The following CHMP3 variants were observed in gnomAD, a reference collection of about 807,000 sequenced individuals.
CHMP3 encodes 25.1 protein.
CHMP3 carries 8 observed loss-of-function variants against 27.4 expected under a neutral mutation model. That is an observed-to-expected ratio of 0.29 (90% CI 0.17 to 0.53). The LOEUF is 0.53. Ranked by LOEUF, CHMP3 falls within the 20% of genes least tolerant of loss-of-function variation. The pLI is 0.96. For missense variants in CHMP3, 208 were observed against 271.5 expected (o/e 0.77, Z 1.64); for synonymous variants, 86 against 85.5 (o/e 1.01, Z -0.03).
intron 3 of CHMP3, among the ~76,000 whole-genome samples, chr2:86,522,110 A>G: frequency 6.6e-6 from 1 of 152,164 alleles, no homozygotes; most frequent in Non-Finnish European, 1.5e-5. Flanking sequence ...AATCATGACA[A>G]TGTATTAATA....
chr2:86,510,884 A>G (rs1675081096), intron 3 of CHMP3: 1 of 189,640 alleles, frequency 5.3e-6, no homozygotes, highest in African/African-American at 2.4e-5. Flanking sequence ...ACACCAGCCT[A>G]TGGACAGTAT....
chr2:86,544,600 C>G (rs1676492843), intron 1 of CHMP3, among the ~76,000 whole-genome samples: 1 of 152,130 alleles, frequency 6.6e-6, no homozygotes, highest in Non-Finnish European at 1.5e-5. Flanking sequence ...TCTTGCACCA[C>G]CCTTAATCCA....
intron 1 of CHMP3, among the ~76,000 whole-genome samples, chr2:86,557,175 C>T (rs996532314): frequency 1.3e-5 from 2 of 152,176 alleles, no homozygotes; most frequent in African/African-American, 4.8e-5. Flanking sequence ...AACAAACTTG[C>T]TCCTTTCCTG....
chr2:86,515,466 G>A (rs1289756534), intron 3 of CHMP3, among the ~76,000 whole-genome samples: 1 of 152,086 alleles, frequency 6.6e-6, no homozygotes, highest in East Asian at 1.9e-4. Flanking sequence ...GGGATTATAG[G>A]TGTGCGCCAC....
intron 1 of CHMP3, chr2:86,561,571 AC>A (rs1363700472): frequency 6.6e-6 from 1 of 152,142 alleles, no homozygotes; most frequent in Non-Finnish European, 1.5e-5. Flanking sequence ...GCTCTACAAT[AC>A]CCAGACTTGT....
intron 1 of CHMP3, chr2:86,562,134 G>A (rs960636221): frequency 3.9e-5 from 6 of 152,214 alleles, no homozygotes; most frequent in African/African-American, 9.6e-5. Flanking sequence ...AGTGTCTACT[G>A]TTCTAGGGCC....
At chr2:86,557,050 C>T (rs56249372) in intron 1 of CHMP3, among the ~76,000 whole-genome samples, 2,200 of 152,268 alleles carry the variant, frequency 0.014, 68 homozygotes, top group African/African-American at 0.051. Flanking sequence ...GCTGAGGACA[C>T]AAAGCAGAAG....
chr2:86,529,095 T>TAAGAAAATA, intron 3 of CHMP3, 123 bp downstream of exon 3: 1 of 1,134,308 alleles, frequency 8.8e-7, no homozygotes, highest in South Asian at 2.0e-5. Flanking sequence ...TCTACAACAC[T>TAAGAAAATA]CAACACTAAG....
At chr2:86,560,176 A>G (rs1677290126) in intron 1 of CHMP3, among the ~76,000 whole-genome samples, 1 of 152,126 alleles carries the variant, frequency 6.6e-6, no homozygotes, top group Non-Finnish European at 1.5e-5. Context: ...GAGGCAGGAG[A>G]ATCCCTTGAA....
chr2:86,530,421 G>T (rs1675875572), intron 2 of CHMP3, among the ~76,000 whole-genome samples: 1 of 151,936 alleles, frequency 6.6e-6, no homozygotes, highest in Admixed American at 6.6e-5. Context: ...ACTACCCTTG[G>T]TACTTCCTTT....
chr2:86,516,111 G>T (rs953269026), intron 3 of CHMP3, among the ~76,000 whole-genome samples: 1 of 135,134 alleles, frequency 7.4e-6, no homozygotes, highest in Non-Finnish European at 1.5e-5. Flanking sequence ...TCGCACCACT[G>T]CACTCCAGCC....
chr2:86,550,249 G>A (rs952000615), intron 1 of CHMP3, among the ~76,000 whole-genome samples: 8 of 152,222 alleles, frequency 5.3e-5, no homozygotes, highest in Non-Finnish European at 8.8e-5. Flanking sequence ...GGCGGCGCAC[G>A]CCCGCAATCC....
intron 2 of CHMP3, among the ~76,000 whole-genome samples, chr2:86,535,592 C>T (rs1019374032): frequency 2.0e-5 from 3 of 152,226 alleles, no homozygotes; most frequent in East Asian, 3.9e-4. Flanking sequence ...CTGCAACCTC[C>T]GGCCCCCAGG....
At chr2:86,561,826 T>C (rs985900627) in intron 1 of CHMP3, 8 of 152,234 alleles carry the variant, frequency 5.3e-5, no homozygotes, top group Non-Finnish European at 1.2e-4. Flanking sequence ...GTACATATAC[T>C]AGAGACTAGT....
intron 1 of CHMP3, among the ~76,000 whole-genome samples, chr2:86,553,358 AG>A (rs568144639): frequency 1.2e-3 from 189 of 152,324 alleles, no homozygotes; most frequent in Non-Finnish European, 2.1e-3. Context: ...ATTGAGATGG[AG>A]TCTTGCTCTG....
At chr2:86,525,991 G>A (rs975323832) in intron 3 of CHMP3, among the ~76,000 whole-genome samples, 1 of 152,152 alleles carries the variant, frequency 6.6e-6, no homozygotes, top group Admixed American at 6.5e-5. Context: ...AGATGGAAAG[G>A]AGCAGAGGAT....
Position 86,563,344 on chromosome 2 carries a change from C to A in CHMP3, c.5G>T (p.Gly2Val). 6.2e-7 allele frequency: 1 copy of A among 1,614,122 alleles called. No homozygotes were observed. The highest frequency in any genetic ancestry group is 8.5e-7 in the Non-Finnish European group (1 of 1,179,978). Residue 2 changes from glycine to valine, a missense_variant, in exon 1 of 6, where the codon GGG becomes GTG. By Grantham distance (109) the Gly-to-Val change is moderately radical (BLOSUM62 -3). Around this residue, in one of 3 missense-constraint regions of CHMP3, gnomAD observed 52 missense variants for 43.5 expected, o/e 1.19. Coordinates refer to ENST00000263856, the MANE Select transcript of CHMP3 (RefSeq NM_016079.4). ...CTTCTCCTGGGTCTTTCCAAACAGC[C>A]CCATGACGAACTGAACCCGTCTTGC... The part of the protein sequence containing the change: M[G>V]LFGKTQEKPP...
intron 3 of CHMP3, among the ~76,000 whole-genome samples, chr2:86,528,701 A>G (rs1179315074): frequency 1.3e-5 from 2 of 152,230 alleles, no homozygotes; most frequent in African/African-American, 4.8e-5. Flanking sequence ...TTTAAATATC[A>G]TGAGTTCCTA....
chr2:86,514,928 A>G (rs1675238336), intron 3 of CHMP3, among the ~76,000 whole-genome samples: 2 of 152,354 alleles, frequency 1.3e-5, no homozygotes, highest in South Asian at 4.1e-4. Context: ...TCTAGAGAAA[A>G]CATTACTAAG....
Sources: gnomAD v4.1 joint callset for allele counts (sites outside exome capture counted in the v4.1 genomes callset) on GRCh38, gnomAD v4.1.1 for gene constraint, gnomAD v4.1.1 regional missense constraint, MANE v1.5 for transcripts, NCBI Gene and HGNC (gene_info 2026-07-23, HGNC 2026-07-21) for gene names.